Variants in ARB2A observed in about 807,000 individuals in gnomAD.
ARB2A encodes the protein ARB2 cotranscriptional regulator A.
chr5:93,946,353 T>C, the ARB2A span, among the ~76,000 whole-genome samples: 1 of 152,008 alleles, frequency 6.6e-6, no homozygotes, highest in Admixed American at 6.6e-5. Context: ...AGGAAGAACA[T>C]GAAACTATGA....
At chr5:93,747,595 C>G in the ARB2A span, among the ~76,000 whole-genome samples, 1 of 152,092 alleles carries the variant, frequency 6.6e-6, no homozygotes, top group East Asian at 1.9e-4. Context: ...GAATCCTCTT[C>G]CAGTCACCTC....
At chr5:93,955,428 T>A in the ARB2A span, among the ~76,000 whole-genome samples, 1 of 152,214 alleles carries the variant, frequency 6.6e-6, no homozygotes, top group Non-Finnish European at 1.5e-5. Context: ...CATTAATTTT[T>A]AAAACTCAGA....
chr5:93,996,313 A>G, the ARB2A span, among the ~76,000 whole-genome samples: 311 of 152,252 alleles, frequency 2.0e-3, 2 homozygotes, highest in African/African-American at 7.2e-3. Flanking sequence ...GTTTCTCCAT[A>G]GATAATTAGG....
the ARB2A span, among the ~76,000 whole-genome samples, chr5:93,675,694 A>G: frequency 6.6e-6 from 1 of 152,228 alleles, no homozygotes; most frequent in Admixed American, 6.5e-5. Context: ...GGTGAAAATG[A>G]GCAGAAAATC....
At chr5:93,744,434 C>CAAAAAAA in the ARB2A span, among the ~76,000 whole-genome samples, 688 of 14,542 alleles carry the variant, frequency 0.047, 167 homozygotes, top group East Asian at 0.12. Flanking sequence ...GACTCAGTCT[C>CAAAAAAA]AAAAAAAAAA....
chr5:93,763,197 T>C, the ARB2A span, among the ~76,000 whole-genome samples: 1 of 151,358 alleles, frequency 6.6e-6, no homozygotes, highest in African/African-American at 2.4e-5. Flanking sequence ...CACATAACAA[T>C]ATTAACCTTA....
At chr5:93,721,056 T>C in the ARB2A span, among the ~76,000 whole-genome samples, 7 of 152,236 alleles carry the variant, frequency 4.6e-5, no homozygotes, top group Non-Finnish European at 8.8e-5. Context: ...TAATATAGTT[T>C]ACTTTAATAG....
At chr5:94,085,471 T>G in the ARB2A span, among the ~76,000 whole-genome samples, 1 of 152,206 alleles carries the variant, frequency 6.6e-6, no homozygotes, top group Non-Finnish European at 1.5e-5. Context: ...AATAAATGAT[T>G]GGTACTGATT....
At chr5:94,063,804 A>G in the ARB2A span, among the ~76,000 whole-genome samples, 1 of 152,316 alleles carries the variant, frequency 6.6e-6, no homozygotes, top group East Asian at 1.9e-4. Flanking sequence ...CCAGAATCAA[A>G]GCCAAAGTAC....
the ARB2A span, among the ~76,000 whole-genome samples, chr5:93,661,958 A>C: frequency 6.6e-6 from 1 of 152,168 alleles, no homozygotes; most frequent in Non-Finnish European, 1.5e-5. Flanking sequence ...TAAGTAAAAC[A>C]TGGAATCAGA....
chr5:93,947,642 A>G, the ARB2A span, among the ~76,000 whole-genome samples: 31 of 144,872 alleles, frequency 2.1e-4, no homozygotes, highest in African/African-American at 7.8e-4. Context: ...CATTAGGTAT[A>G]TCTCCTAATG....
At chr5:93,632,279 A>C in the ARB2A span, among the ~76,000 whole-genome samples, 1 of 152,222 alleles carries the variant, frequency 6.6e-6, no homozygotes, top group Non-Finnish European at 1.5e-5. Context: ...GGTGAAGAAC[A>C]CTTTTGACTT....
the ARB2A span, among the ~76,000 whole-genome samples, chr5:93,755,826 A>C: frequency 6.6e-6 from 1 of 152,184 alleles, no homozygotes; most frequent in African/African-American, 2.4e-5. Flanking sequence ...CCACAGGGAG[A>C]AGGAAATCTC....
the ARB2A span, among the ~76,000 whole-genome samples, chr5:93,813,455 A>G: frequency 3.9e-5 from 6 of 152,220 alleles, no homozygotes; most frequent in Admixed American, 2.6e-4. Context: ...AAAAGGATAG[A>G]GAGCTTATAG....
At chr5:93,765,278 T>C in the ARB2A span, among the ~76,000 whole-genome samples, 5 of 152,190 alleles carry the variant, frequency 3.3e-5, no homozygotes, top group South Asian at 1.0e-3. Context: ...GACGACGTGA[T>C]TGTATATCTA....
chr5:93,674,520 T>C, the ARB2A span, among the ~76,000 whole-genome samples: 1 of 152,162 alleles, frequency 6.6e-6, no homozygotes, highest in African/African-American at 2.4e-5. Flanking sequence ...AATTTAGAAA[T>C]AGCAAATAGA....
chr5:94,089,594 TACACACACACACACACACACACAC>T, the ARB2A span, among the ~76,000 whole-genome samples: 6 of 135,590 alleles, frequency 4.4e-5, no homozygotes, highest in African/African-American at 8.4e-5. Context: ...AAACCGTTTA[TACACACACACACACACACACACAC>T]ACACACACAC....
At chr5:93,870,390 A>G in the ARB2A span, among the ~76,000 whole-genome samples, 2,377 of 152,312 alleles carry the variant, frequency 0.016, 27 homozygotes, top group Non-Finnish European at 0.022. Context: ...CTAATTTTGC[A>G]TTACCTAACA....
At chr5:93,917,452 T>G in the ARB2A span, among the ~76,000 whole-genome samples, 1 of 152,174 alleles carries the variant, frequency 6.6e-6, no homozygotes, top group South Asian at 2.1e-4. Flanking sequence ...GTTCTTTTTC[T>G]TCAAAAAATA....
Sources: allele counts gnomAD v4.1 joint callset (sites outside exome capture counted in the v4.1 genomes callset), GRCh38; gene constraint gnomAD v4.1.1; transcripts MANE v1.5; gene names NCBI Gene and HGNC (gene_info 2026-07-23, HGNC 2026-07-21).